The following TRIM71 variants were observed in gnomAD, a reference collection of about 807,000 sequenced individuals.
TRIM71 encodes tripartite motif containing 71.
In TRIM71, 9 loss-of-function variants were observed where a neutral mutation model predicts 61.2. The ratio of observed to expected loss-of-function variants is 0.15; its 90% confidence interval spans 0.09 to 0.26. The LOEUF is 0.26. Among genes scored for constraint, TRIM71 ranks in the 10% least tolerant of loss-of-function variants. TRIM71 has a pLI of 1.00. For missense variants in TRIM71, 998 were observed against 1,238.7 expected, an observed-to-expected ratio of 0.81 and a Z score of 2.92; for synonymous variants, 645 against 553.2, an observed-to-expected ratio of 1.17 and a Z score of -2.33.
chr3:32,848,284 T>G (rs182076704), intron 1 of TRIM71, among the ~76,000 whole-genome samples: 1 of 152,350 alleles, frequency 6.6e-6, no homozygotes. Context: ...TTGACAGTTG[T>G]GCACCCCAGG....
rs369755706 is a variant in TRIM71, at chr3:32,827,268, C to CTTTTTTTTTTTTTTTTTTT, written c.852+8350_852+8351insTTTTTTTTTTTTTTTTTTT. Among the ~76,000 whole-genome samples the CTTTTTTTTTTTTTTTTTTT allele has an allele frequency of 3.1e-5, 4 of 129,710 alleles. 1 individual carries two copies. The highest frequency in any genetic ancestry group is 8.0e-5 in the Admixed American group (1 of 12,578). 85.1% of individuals were successfully genotyped at this position (129,710 alleles called of 152,430 possible). On this transcript the variant is annotated intron_variant, in intron 1 of 3. Coordinates refer to ENST00000383763, the MANE Select transcript of TRIM71 (RefSeq NM_001039111.3). ...TGTCATGAAGGGTAGGGGGATAATTCTTTTTTTTTTTTTTGGGTGGAGTCT... is the reference window on the plus strand; with the variant it reads ...TGTCATGAAGGGTAGGGGGATAATTCTTTTTTTTTTTTTTTTTTTTTTTTTTTTTTTTTGGGTGGAGTCT...
chr3:32,862,086 G>GC (rs1269816779), intron 1 of TRIM71, among the ~76,000 whole-genome samples: 1 of 152,162 alleles, frequency 6.6e-6, no homozygotes, highest in Non-Finnish European at 1.5e-5. Context: ...GAGGAGGGGA[G>GC]CAGGTGGGAG....
At chr3:32,838,110 C>A (rs1435358245) in intron 1 of TRIM71, among the ~76,000 whole-genome samples, 4 of 152,160 alleles carry the variant, frequency 2.6e-5, no homozygotes, top group African/African-American at 9.7e-5. Context: ...CTTCTGGAGA[C>A]CCTTACATCA....
chr3:32,851,262 T>TGA (rs1696535757), intron 1 of TRIM71, among the ~76,000 whole-genome samples: 1 of 152,186 alleles, frequency 6.6e-6, no homozygotes, highest in Non-Finnish European at 1.5e-5. Flanking sequence ...AGGCTACAAT[T>TGA]AGTAAAAGAA....
chr3:32,828,502 C>CTTTTTT (rs67014189), intron 1 of TRIM71, among the ~76,000 whole-genome samples: 39 of 93,256 alleles, frequency 4.2e-4, no homozygotes, highest in East Asian at 1.0e-3. Flanking sequence ...CAATTGTAAA[C>CTTTTTT]TTTTTTTTTT....
At position 32,818,501 on chromosome 3, in the gene TRIM71, G is replaced by A; in HGVS notation, c.421G>A (p.Ala141Thr). The change falls in exon 1 of 4, where the codon GCG (alanine) becomes ACG (threonine). Residue 141 changes from alanine (A) to threonine (T), a missense_variant. Ala to Thr is a moderately conservative substitution (Grantham distance 58). Transcript: ENST00000383763. The stretch of plus-strand genomic sequence containing the variant: ...CAAGAACGGGCGCGCCGGCGCTCCG[G>A]CGGGAGCGGGCGGCCACAGCAACCA... ...PPKNGRAGAPAGAGGHSNHRH... is the reference protein window; with the variant it reads ...PPKNGRAGAPTGAGGHSNHRH... 4.2e-6 allele frequency: 6 copies of A among 1,420,120 alleles called. No individual in the cohort carries two copies. Among genetic ancestry groups the A allele is most frequent in the Non-Finnish European group, 5.5e-6 (6 of 1,090,212 alleles). The allele number at this position is 1,420,120 out of a possible 1,614,324, so 88.0% of individuals were successfully genotyped here.
rs1322320166 is a variant in TRIM71, at chr3:32,838,540, TA to T, written c.852+19610del. 3.1e-5 allele frequency among the ~76,000 whole-genome samples: 4 copies of T among 127,280 alleles called. No homozygotes were observed. In the East Asian group the frequency reaches 7.4e-4, roughly 23 times the overall value. 83.5% of individuals were successfully genotyped at this position (127,280 alleles called of 152,430 possible). ...ACCTGGCCTTTTTTTTTTTTTTTTT[TA>T]ATCAAGCATTTTAGGGGCATGCAGT... On this transcript the variant is annotated intron_variant, in intron 1 of 3. Transcript: ENST00000383763.
chr3:32,818,180 T>G lies in TRIM71; in HGVS notation c.100T>G (p.Ser34Ala). ...PLSSNSSASS[S>A]SSQTSTSSGG... ...CTCCTCCAACTCGTCCGCGTCGTCG[T>G]CCTCCTCGCAGACGTCCACGTCGTC... Residue 34 changes from serine (S) to alanine (A), a missense_variant, in exon 1 of 4, where the codon TCC (serine) becomes GCC (alanine). By Grantham distance (99) the Ser-to-Ala change is moderately conservative (BLOSUM62 1). Transcript: ENST00000383763. The G allele has an allele frequency of 6.3e-7, 1 of 1,598,442 alleles. No individual in the cohort carries two copies. Among genetic ancestry groups the G allele is most frequent in the East Asian group, 2.3e-5 (1 of 42,900 alleles).
chr3:32,870,954 C>T (rs1048301032), intron 1 of TRIM71, among the ~76,000 whole-genome samples: 13 of 151,072 alleles, frequency 8.6e-5, no homozygotes, highest in African/African-American at 3.2e-4. Flanking sequence ...AAGCGTGAGC[C>T]ACCACGCCCA....
At chr3:32,882,733 G>A (rs1589187) in intron 2 of TRIM71, among the ~76,000 whole-genome samples, 23,902 of 151,864 alleles carry the variant, frequency 0.16, 2,128 homozygotes, top group East Asian at 0.39. Context: ...TTGTAGAGAC[G>A]GGGTCTCACT....
At chr3:32,877,594 T>C (rs1409103821) in intron 2 of TRIM71, among the ~76,000 whole-genome samples, 1 of 152,086 alleles carries the variant, frequency 6.6e-6, no homozygotes, top group Non-Finnish European at 1.5e-5. Context: ...CCTGGCTTCA[T>C]GCGATCTTTC....
intron 1 of TRIM71, among the ~76,000 whole-genome samples, chr3:32,829,726 A>G (rs1696247494): frequency 6.6e-6 from 1 of 152,048 alleles, no homozygotes; most frequent in East Asian, 1.9e-4. Context: ...TTAAGTCTTC[A>G]TAGAAGAAGC....
chr3:32,827,920 C>G (rs1017764261), intron 1 of TRIM71, among the ~76,000 whole-genome samples: 3 of 152,040 alleles, frequency 2.0e-5, no homozygotes, highest in Admixed American at 6.6e-5. Context: ...TCTTGAAATG[C>G]CAGTGGATTT....
At chr3:32,840,450 G>A (rs1696390912) in intron 1 of TRIM71, among the ~76,000 whole-genome samples, 1 of 152,094 alleles carries the variant, frequency 6.6e-6, no homozygotes, top group South Asian at 2.1e-4. Flanking sequence ...AGAGGTTTTG[G>A]CCTATTTCCT....
rs74483552 is a variant in TRIM71 at position 32,869,397 on chromosome 3, G to A, written c.853-4421G>A. Reference sequence around the variant, plus strand: ...TAAATGGCAATCTGGGCCTTCCTCTGTCCTTTCAGCTTACATTCTTCACTG... The same window carrying A: ...TAAATGGCAATCTGGGCCTTCCTCTATCCTTTCAGCTTACATTCTTCACTG... On this transcript the variant is annotated intron_variant, in intron 1 of 3. Transcript: ENST00000383763. 0.015 allele frequency among the ~76,000 whole-genome samples: 2,256 copies of A among 152,276 alleles called. 135 individuals are homozygous for A. The East Asian group carries it at 0.2, about 14-fold the overall frequency.
intron 1 of TRIM71, among the ~76,000 whole-genome samples, chr3:32,852,072 G>T (rs1428379078): frequency 3.3e-5 from 5 of 152,124 alleles, no homozygotes. Context: ...GGGAACAAAG[G>T]CTCTATATTG....
Position 32,891,796 on chromosome 3 carries a change from A to C in TRIM71, c.2592A>C (p.Arg864=). 8 of 1,613,600 alleles carry C rather than the reference A, an allele frequency of 5.0e-6. No individual in the cohort carries two copies. Among genetic ancestry groups the C allele is most frequent in the Non-Finnish European group, 5.9e-6 (7 of 1,179,960 alleles). The change falls in exon 4 of 4, where the codon CGA becomes CGC. Residue 864 remains arginine, a synonymous_variant. Coordinates refer to ENST00000383763, the MANE Select transcript of TRIM71 (RefSeq NM_001039111.3). This position sits in a 1 kb window ranked among gnomAD's most constrained non-coding sequence, Gnocchi z 8.2. Reference sequence around the variant, plus strand: ...TTGTGGTGGACTTTGGCAACAATCGAATCCTCGTCTTCTAATTGCATTTCC... The same window carrying C: ...TTGTGGTGGACTTTGGCAACAATCGCATCCTCGTCTTCTAATTGCATTTCC... ...MIVVVDFGNN[R]ILVF
intron 1 of TRIM71, among the ~76,000 whole-genome samples, chr3:32,849,376 T>G (rs968813791): frequency 1.3e-5 from 2 of 150,928 alleles, no homozygotes; most frequent in African/African-American, 4.9e-5. Context: ...TTTTTTCTTT[T>G]GAGACAGAGC....
rs1697081549 is a variant in TRIM71 at position 32,896,737 on chromosome 3, T to A, written c.*4926T>A. 1.3e-5 allele frequency: 2 copies of A among 152,224 alleles called. No individual in the cohort carries two copies. Among genetic ancestry groups the A allele is most frequent in the Admixed American group, 6.5e-5 (1 of 15,278 alleles). 9.4% of individuals were successfully genotyped at this position (152,224 alleles called of 1,614,324 possible). ...CTAAAAGTTTTGTGTATCCACATGG[T>A]CTTAGACCTCCTTTTAATGATTGTA... On this transcript the variant is annotated 3_prime_UTR_variant, in exon 4 of 4. Coordinates refer to ENST00000383763, the MANE Select transcript of TRIM71 (RefSeq NM_001039111.3).
Sources: allele counts gnomAD v4.1 joint callset (sites outside exome capture counted in the v4.1 genomes callset), GRCh38; gene constraint gnomAD v4.1.1; non-coding constraint Gnocchi (gnomAD v3.1); transcripts MANE v1.5; gene names NCBI Gene and HGNC (gene_info 2026-07-23, HGNC 2026-07-21).